FRMD4B: variants seen among roughly 807,000 people sequenced by gnomAD.
The protein encoded by FRMD4B is FERM domain containing 4B.
A neutral mutation model predicts 141.5 loss-of-function variants in FRMD4B; 74 were observed. The observed-to-expected ratio is 0.52, with a 90% CI of 0.43 to 0.63. The LOEUF (loss-of-function observed/expected upper bound fraction) is 0.63. FRMD4B is among the 30% of genes least tolerant of loss of function. The pLI is 0.00. For synonymous variants in FRMD4B, 506 were observed against 467.9 expected, an observed-to-expected ratio of 1.08 and a Z score of -1.05; for missense variants, 1,366 against 1,253.4, an observed-to-expected ratio of 1.09 and a Z score of -1.36.
chr3:69,415,516 C>T (rs1373515410), intron 2 of FRMD4B, among the ~76,000 whole-genome samples: 1 of 152,136 alleles, frequency 6.6e-6, no homozygotes, highest in African/African-American at 2.4e-5. Context: ...GGCCACTGCA[C>T]ACCCTGTTGC....
Position 69,385,828 on chromosome 3 carries a change from C to A in FRMD4B, c.162G>T (p.Gln54His). ...RTWCGLQDVY[Q>H]MTEGRHCQVH... ...TCGGGTGCCGCGCGCTCCAGCTCAC[C>A]TGGTACACGTCCTGCAGCCCGCACC... Residue 54 changes from glutamine (Q) to histidine (H), a missense_variant and splice_region_variant, in exon 1 of 23, where the codon CAG (glutamine) becomes CAT (histidine). Coordinates refer to ENST00000398540, the MANE Select transcript of FRMD4B (RefSeq NM_015123.3). 1 of 1,566,148 alleles carries A rather than the reference C, an allele frequency of 6.4e-7. No individual in the cohort carries two copies.
rs578095842 is a variant in FRMD4B at position 69,235,845 on chromosome 3, C to T, written c.582-11155G>A. 3.3e-5 allele frequency among the ~76,000 whole-genome samples: 5 copies of T among 152,266 alleles called. No homozygotes were observed. In the South Asian group the frequency reaches 1.0e-3, roughly 32 times the overall value. On this transcript the variant is annotated intron_variant, in intron 7 of 22. Coordinates refer to ENST00000398540, the MANE Select transcript of FRMD4B (RefSeq NM_015123.3). The stretch of plus-strand genomic sequence containing the variant: ...GTTAAGGGAGATTAAGCAATTTAAA[C>T]TCACAAAGCAAATACGACTCCAAAC...
chr3:69,539,807 T>A (rs983336895), intron 1 of FRMD4B, among the ~76,000 whole-genome samples: 2 of 151,974 alleles, frequency 1.3e-5, no homozygotes, highest in African/African-American at 4.8e-5. Context: ...TTTTAGGAAA[T>A]GTAAGCACTG....
At chr3:69,341,449 G>A (rs1264890636) in intron 1 of FRMD4B, among the ~76,000 whole-genome samples, 1 of 152,166 alleles carries the variant, frequency 6.6e-6, no homozygotes, top group Non-Finnish European at 1.5e-5. Context: ...GTTGCTAAAG[G>A]TATGATTCCT....
At chr3:69,528,112 T>C (rs991993082) in intron 1 of FRMD4B, among the ~76,000 whole-genome samples, 6 of 152,188 alleles carry the variant, frequency 3.9e-5, no homozygotes, top group African/African-American at 1.4e-4. Flanking sequence ...CCTCCTTTGA[T>C]AGACATGGGA....
upstream of FRMD4B, chr3:69,386,194 C>A: frequency 2.0e-6 from 1 of 508,496 alleles, no homozygotes; most frequent in South Asian, 3.0e-5. Flanking sequence ...CCAACGGCTG[C>A]GACTGGCACA....
chr3:69,349,479 A>G (rs1191793809), intron 1 of FRMD4B, among the ~76,000 whole-genome samples: 3 of 152,230 alleles, frequency 2.0e-5, no homozygotes, highest in Non-Finnish European at 4.4e-5. Context: ...AATACTTTAA[A>G]GTTCATATAG....
intron 5 of FRMD4B, among the ~76,000 whole-genome samples, chr3:69,255,850 G>T (rs1327175549): frequency 6.6e-6 from 1 of 152,152 alleles, no homozygotes; most frequent in Non-Finnish European, 1.5e-5. Flanking sequence ...ACCACAGATG[G>T]AAAGGAGCTA....
chr3:69,460,788 C>G (rs1024518587), intron 1 of FRMD4B, among the ~76,000 whole-genome samples: 1 of 152,174 alleles, frequency 6.6e-6, no homozygotes, highest in Non-Finnish European at 1.5e-5. Flanking sequence ...CTGTGGCCTC[C>G]AAGCATAAGG....
At chr3:69,450,724 A>G (rs1705483643) in intron 1 of FRMD4B, among the ~76,000 whole-genome samples, 1 of 151,586 alleles carries the variant, frequency 6.6e-6, no homozygotes, top group South Asian at 2.1e-4. Context: ...ATTGCACTCC[A>G]GCTTGGGCGA....
intron 5 of FRMD4B, among the ~76,000 whole-genome samples, chr3:69,258,572 A>G (rs2093506904): frequency 6.6e-6 from 1 of 152,214 alleles, no homozygotes. Context: ...AAAAATTACT[A>G]ACCAATTTGA....
rs1472517646 is a variant in FRMD4B, at chr3:69,472,933, TTTTTC to T, written c.-128-40177_-128-40173del. 2.0e-4 allele frequency among the ~76,000 whole-genome samples: 23 copies of T among 117,514 alleles called. No homozygotes were observed. In the East Asian group the frequency reaches 2.5e-3, roughly 13 times the overall value. The allele number at this position is 117,514 out of a possible 152,430, so 77.1% of individuals were successfully genotyped here. On this transcript the variant is annotated intron_variant, in intron 1 of 5. Coordinates refer to the FRMD4B transcript ENST00000459638. ...GCTTCAAGTGAGTCTTTCTTTTTTTTTTTTCTTTTTTTTTTTTTTTGGCTTAGGGG... is the reference window on the plus strand; with the variant it reads ...GCTTCAAGTGAGTCTTTCTTTTTTTTTTTTTTTTTTTTTTTGGCTTAGGGG...
intron 1 of FRMD4B, among the ~76,000 whole-genome samples, chr3:69,519,353 A>G (rs1235421938): frequency 6.6e-6 from 1 of 152,124 alleles, no homozygotes; most frequent in Non-Finnish European, 1.5e-5. Flanking sequence ...AGTCTGGTAT[A>G]TCTAAGGATC....
At chr3:69,223,198 T>A (rs1282389241) in intron 8 of FRMD4B, among the ~76,000 whole-genome samples, 1 of 152,188 alleles carries the variant, frequency 6.6e-6, no homozygotes, top group Non-Finnish European at 1.5e-5. Flanking sequence ...TAGTTCTCAT[T>A]AGTAATGTCT....
chr3:69,212,370 A>AAAAAG (rs2093091750), intron 11 of FRMD4B, among the ~76,000 whole-genome samples: 1 of 91,834 alleles, frequency 1.1e-5, no homozygotes, highest in Non-Finnish European at 2.3e-5. Flanking sequence ...AAAAAAAAAA[A>AAAAAG]AAAAAAAAAA....
chr3:69,380,996 A>G (rs1321296559), intron 1 of FRMD4B, among the ~76,000 whole-genome samples: 1 of 152,234 alleles, frequency 6.6e-6, no homozygotes, highest in East Asian at 1.9e-4. Context: ...CATCCAGGCA[A>G]GATATAAGGA....
At chr3:69,230,243 T>C (rs1380830044) in intron 7 of FRMD4B, among the ~76,000 whole-genome samples, 1 of 152,252 alleles carries the variant, frequency 6.6e-6, no homozygotes, top group South Asian at 2.1e-4. Flanking sequence ...CCCAAAGTGC[T>C]GGGATTACAG....
chr3:69,343,582 T>TG (rs1553726932), intron 1 of FRMD4B, among the ~76,000 whole-genome samples: 97 of 71,018 alleles, frequency 1.4e-3, no homozygotes, highest in Middle Eastern at 0.011. Flanking sequence ...TTTTTGTTTT[T>TG]TTTTTTTTTT....
At chr3:69,493,220 T>C (rs1432303138) in intron 1 of FRMD4B, among the ~76,000 whole-genome samples, 1 of 152,166 alleles carries the variant, frequency 6.6e-6, no homozygotes, top group Non-Finnish European at 1.5e-5. Context: ...ATTTATCAAA[T>C]TAAGAGGGGA....
Sources: gnomAD v4.1 joint callset for allele counts (sites outside exome capture counted in the v4.1 genomes callset) on GRCh38, gnomAD v4.1.1 for gene constraint, MANE v1.5 for transcripts, NCBI Gene and HGNC (gene_info 2026-07-23, HGNC 2026-07-21) for gene names.